Variants in STRAP observed in about 807,000 individuals in gnomAD.
The protein encoded by STRAP is serine/threonine kinase receptor associated protein.
STRAP carries 16 observed loss-of-function variants against 47.0 expected under a neutral mutation model. The ratio of observed to expected loss-of-function variants is 0.34; its 90% CI spans 0.23 to 0.52. The LOEUF (loss-of-function observed/expected upper bound fraction) is 0.52, where lower values mean the gene tolerates loss of function less well. STRAP is among the 20% of genes least tolerant of loss of function. STRAP has a pLI of 0.96. For missense variants in STRAP, 293 were observed against 420.0 expected (o/e 0.70, Z 2.64); for synonymous variants, 130 against 142.7 (o/e 0.91, Z 0.63).
chr12:15,884,383 T>G (rs1337173355), intron 2 of STRAP, among the ~76,000 whole-genome samples: 1 of 152,210 alleles, frequency 6.6e-6, no homozygotes, highest in African/African-American at 2.4e-5. Context: ...ACTTCTCTAC[T>G]AATGATCTTC....
At chr12:15,891,453 T>G (rs551760752) in intron 4 of STRAP, among the ~76,000 whole-genome samples, 1 of 152,372 alleles carries the variant, frequency 6.6e-6, no homozygotes, top group Admixed American at 6.5e-5. Context: ...TGTAATGACT[T>G]TCTGGTTTTC....
At position 15,900,032 on chromosome 12, in the gene STRAP, C is replaced by T. The variant is rs1447576787; in HGVS notation, c.904C>T (p.Leu302Phe). 3 of 1,612,228 alleles carry T rather than the reference C, an allele frequency of 1.9e-6. No individual in the cohort carries two copies. Among genetic ancestry groups the T allele is most frequent in the Non-Finnish European group, 1.7e-6 (2 of 1,179,402 alleles). The change falls in exon 8 of 10, where the codon CTT (leucine) becomes TTT (phenylalanine). Residue 302 changes from leucine (L) to phenylalanine (F), a missense_variant. By Grantham distance (22) the Leu-to-Phe change is conservative. Around this residue, in one of 5 missense-constraint regions of STRAP, gnomAD observed 26 missense variants for 76.7 expected, o/e 0.34. Transcript: ENST00000419869. ...AACTGTGGTAGGAAAAACGTATGGC[C>T]TTTGGAAATGTGTGCTTCCTGGTAA... ...WQTVVGKTYG[L>F]WKCVLPEEDS...
chr12:15,901,047 T>C, intron 9 of STRAP, 35 bp downstream of exon 9: 1 of 1,495,706 alleles, frequency 6.7e-7, no homozygotes, highest in South Asian at 1.4e-5. Flanking sequence ...GTAAGAGTCT[T>C]GGGGGATTTA....
rs958523459 is a variant in STRAP at position 15,887,415 on chromosome 12, G to A, written c.249-2513G>A. Among the ~76,000 whole-genome samples, 23 of 152,258 alleles carry A rather than the reference G, an allele frequency of 1.5e-4. No homozygotes were observed. The highest frequency in any genetic ancestry group is 2.6e-4 in the Non-Finnish European group (18 of 68,022). On this transcript the variant is annotated intron_variant, in intron 2 of 9. Coordinates refer to ENST00000419869, the MANE Select transcript of STRAP (RefSeq NM_007178.4). This position sits in a 1 kb window ranked among gnomAD's most constrained non-coding sequence, Gnocchi z 5.5. ...CTGCTGAAAGGGTATTGTTAATAGCGCTTTACTGTCTTGATTTGAGCCCTG... is the reference window on the plus strand; with the variant it reads ...CTGCTGAAAGGGTATTGTTAATAGCACTTTACTGTCTTGATTTGAGCCCTG...
At position 15,896,334 on chromosome 12, in the gene STRAP, A is replaced by G. The variant is rs1295216560; in HGVS notation, c.638+838A>G. Among the ~76,000 whole-genome samples the G allele has an allele frequency of 2.0e-5, 3 of 152,222 alleles. No individual in the cohort carries two copies. The highest frequency in any genetic ancestry group is 1.5e-5 in the Non-Finnish European group (1 of 68,030). On this transcript the variant is annotated intron_variant, in intron 6 of 9. Coordinates refer to ENST00000419869, the MANE Select transcript of STRAP (RefSeq NM_007178.4). The surrounding 1 kb of genome is among the most constrained non-coding windows in gnomAD (Gnocchi z 4.1). ...AATAATCTTATTTCTGTTCCTGAGTATTTGCAGACTTAATGAATTTTTTAA... is the reference window on the plus strand; with the variant it reads ...AATAATCTTATTTCTGTTCCTGAGTGTTTGCAGACTTAATGAATTTTTTAA...
rs924324518 is a variant in STRAP at position 15,901,196 on chromosome 12, A to G, written c.991+184A>G. ...AGCTAAATATTTAAATACCTACTGCATAGTAGTAATAGGCACAGAGATGTA... is the reference window on the plus strand; with the variant it reads ...AGCTAAATATTTAAATACCTACTGCGTAGTAGTAATAGGCACAGAGATGTA... On this transcript the variant is annotated intron_variant, in intron 9 of 9. Coordinates refer to ENST00000419869, the MANE Select transcript of STRAP (RefSeq NM_007178.4). Among the ~76,000 whole-genome samples the G allele has an allele frequency of 9.8e-5, 15 of 152,348 alleles. No homozygotes were observed. In the East Asian group the frequency reaches 2.5e-3, roughly 25 times the overall value.
At chr12:15,883,448 T>G in intron 1 of STRAP, 93 bp from the exon 2 acceptor site, 1 of 1,404,162 alleles carries the variant, frequency 7.1e-7, no homozygotes, top group Non-Finnish European at 9.6e-7. Flanking sequence ...TTTTTCCACT[T>G]TGTCATTGAA....
At chr12:15,886,949 T>C (rs1453888499) in intron 2 of STRAP, among the ~76,000 whole-genome samples, 1 of 152,168 alleles carries the variant, frequency 6.6e-6, no homozygotes, top group African/African-American at 2.4e-5. Flanking sequence ...TTTGTATCTA[T>C]TTGGGAAGAG....
chr12:15,888,885 A>T (rs1947993011), intron 2 of STRAP, among the ~76,000 whole-genome samples: 1 of 152,068 alleles, frequency 6.6e-6, no homozygotes, highest in Non-Finnish European at 1.5e-5. Context: ...TATATATTTA[A>T]TATATTTTAT....
chr12:15,903,062 G>A lies in STRAP; in HGVS notation c.*84G>A. 6 of 1,382,504 alleles carry A rather than the reference G, an allele frequency of 4.3e-6. No individual in the cohort carries two copies. Among genetic ancestry groups the A allele is most frequent in the Non-Finnish European group, 4.8e-6 (5 of 1,041,942 alleles). 85.6% of individuals were successfully genotyped at this position (1,382,504 alleles called of 1,614,324 possible). A position where few individuals can be genotyped will look rare whatever the true frequency, so the allele number is the denominator to read the frequency against. The stretch of plus-strand genomic sequence containing the variant: ...CATCAGCCTTCCAGAGTTACTGTCT[G>A]CTTAAGGCAGAAACAGCAGTAAATA... On this transcript the variant is annotated 3_prime_UTR_variant, in exon 10 of 10. Coordinates refer to ENST00000419869, the MANE Select transcript of STRAP (RefSeq NM_007178.4).
intron 2 of STRAP, among the ~76,000 whole-genome samples, chr12:15,885,983 T>C (rs904131733): frequency 2.6e-5 from 4 of 152,188 alleles, no homozygotes; most frequent in Non-Finnish European, 5.9e-5. Context: ...GAAACTAATA[T>C]GGCTAAAGCC....
Position 15,896,704 on chromosome 12 carries a change from C to A in STRAP, c.639-1178C>A, listed in dbSNP as rs992650676. Among the ~76,000 whole-genome samples, 1 of 152,130 alleles carries A rather than the reference C, an allele frequency of 6.6e-6. No individual in the cohort carries two copies. The highest frequency in any genetic ancestry group is 2.4e-5 in the African/African-American group (1 of 41,422). On this transcript the variant is annotated intron_variant, in intron 6 of 9. Coordinates refer to ENST00000419869, the MANE Select transcript of STRAP (RefSeq NM_007178.4). The surrounding 1 kb of genome is among the most constrained non-coding windows in gnomAD (Gnocchi z 4.1). ...GGTTAGTTTCCCTGTTTTAGCACCA[C>A]GGTGAATGTTCTAGCACATCTCTGA... is the stretch of plus-strand genomic sequence containing the variant.
At position 15,896,959 on chromosome 12, in the gene STRAP, T is replaced by A. The variant is rs1385941977; in HGVS notation, c.639-923T>A. Among the ~76,000 whole-genome samples, 1 of 152,226 alleles carries A rather than the reference T, an allele frequency of 6.6e-6. No homozygotes were observed. Among genetic ancestry groups the A allele is most frequent in the African/African-American group, 2.4e-5 (1 of 41,452 alleles). On this transcript the variant is annotated intron_variant, in intron 6 of 9. Transcript: ENST00000419869. The surrounding 1 kb of genome is among the most constrained non-coding windows in gnomAD (Gnocchi z 4.1). ...AGCAATTAAGCAATGTCAAGGAGTT[T>A]ATACACATACAGTAAACTGATAGTA... is the stretch of plus-strand genomic sequence containing the variant.
rs1947928714 is a variant in STRAP at position 15,882,455 on chromosome 12, C to T, written c.-253C>T. 2 of 534,128 alleles carry T rather than the reference C, an allele frequency of 3.7e-6. No individual in the cohort carries two copies. Among genetic ancestry groups the T allele is most frequent in the Admixed American group, 3.3e-5 (1 of 29,988 alleles). 33.1% of individuals were successfully genotyped at this position (534,128 alleles called of 1,614,324 possible). A position where few individuals can be genotyped will look rare whatever the true frequency, so the allele number is the denominator to read the frequency against. On this transcript the variant is annotated 5_prime_UTR_variant, in exon 1 of 10. Coordinates refer to ENST00000419869, the MANE Select transcript of STRAP (RefSeq NM_007178.4). ...TGGCTGGCCCGGTTCTCCGCTTCTC[C>T]CCATCCCCTACTTTCCTCCCTCCCT...
At chr12:15,893,321 A>G (rs1317543858) in intron 4 of STRAP, among the ~76,000 whole-genome samples, 1 of 151,574 alleles carries the variant, frequency 6.6e-6, no homozygotes, top group Non-Finnish European at 1.5e-5. Flanking sequence ...AGAGTTAGCC[A>G]TAGTACTGCA....
intron 1 of STRAP, chr12:15,883,103 A>G (rs958477526): frequency 3.9e-6 from 6 of 1,535,596 alleles, no homozygotes; most frequent in African/African-American, 1.4e-5. Flanking sequence ...GCATTTGCCT[A>G]GACTCTCGGG....
At chr12:15,902,824 A>T (rs1000121931) in intron 9 of STRAP, 93 bp from the exon 10 acceptor site, 2 of 1,380,052 alleles carry the variant, frequency 1.4e-6, no homozygotes, top group Non-Finnish European at 1.9e-6. Context: ...ACACTTTTTC[A>T]TTCCTTCATT....
In STRAP at chr12:15,890,642, A is replaced by C; in HGVS notation, c.376A>C (p.Ile126Leu). Reference sequence around the variant, plus strand: ...CGGGGGACAGGATAAACTGTTACGCATATATGACTTGAACAAACCTGAAGC... The same window carrying C: ...CGGGGGACAGGATAAACTGTTACGCCTATATGACTTGAACAAACCTGAAGC... ...LTGGQDKLLR[I>L]YDLNKPEAEP... is the part of the protein sequence containing the mutation. Residue 126 changes from isoleucine (I) to leucine (L), a missense_variant, in exon 4 of 10, where the codon ATA (isoleucine) becomes CTA (leucine). This residue lies in a region of STRAP where 152 missense variants were observed against 183.0 expected (regional missense o/e 0.83). Transcript: ENST00000419869. The surrounding 1 kb of genome is among the most constrained non-coding windows in gnomAD (Gnocchi z 4.5). 1 of 1,611,244 alleles carries C rather than the reference A, an allele frequency of 6.2e-7. No individual in the cohort carries two copies. The highest frequency in any genetic ancestry group is 8.5e-7 in the Non-Finnish European group (1 of 1,179,020).
chr12:15,882,905 G>C, intron 1 of STRAP, 86 bp downstream of exon 1: 1 of 1,425,952 alleles, frequency 7.0e-7, no homozygotes. Flanking sequence ...CCGAAGCGGT[G>C]GTGTGGTGAG....
Sources: allele counts gnomAD v4.1 joint callset (sites outside exome capture counted in the v4.1 genomes callset), GRCh38; gene constraint gnomAD v4.1.1; regional missense constraint gnomAD v4.1.1; non-coding constraint Gnocchi (gnomAD v3.1); transcripts MANE v1.5; gene names NCBI Gene and HGNC (gene_info 2026-07-23, HGNC 2026-07-21).